Variants in RNF152 observed in about 807,000 individuals in gnomAD.
The protein encoded by RNF152 is E3 ubiquitin-protein ligase RNF152.
A neutral mutation model predicts 12.7 loss-of-function variants in RNF152; 11 were observed. The ratio of observed to expected loss-of-function variants is 0.86; its 90% CI spans 0.54 to 1.43. The LOEUF is 1.43. RNF152 is among the 40% of genes most tolerant of loss of function. The pLI is 0.00. For synonymous variants in RNF152, 113 were observed against 120.3 expected (o/e 0.94, Z 0.40); for missense variants, 255 against 274.8 (o/e 0.93, Z 0.51).
At chr18:61,887,800 T>C (rs1300226215) in intron 1 of RNF152, among the ~76,000 whole-genome samples, 2 of 151,408 alleles carry the variant, frequency 1.3e-5, no homozygotes, top group Admixed American at 6.6e-5. Flanking sequence ...CAGTGAGGAG[T>C]GCACCAAGTG....
At chr18:61,877,531 A>C (rs1912265414) in intron 1 of RNF152, among the ~76,000 whole-genome samples, 1 of 152,230 alleles carries the variant, frequency 6.6e-6, no homozygotes, top group South Asian at 2.1e-4. Flanking sequence ...TTGCAGACAC[A>C]TATACATACA....
intron 1 of RNF152, among the ~76,000 whole-genome samples, chr18:61,886,639 G>A (rs1024379418): frequency 3.3e-5 from 5 of 152,206 alleles, no homozygotes; most frequent in African/African-American, 1.2e-4. Context: ...GGTCCAGGGT[G>A]AATGATAACT....
chr18:61,827,207 G>A lies in RNF152; in HGVS notation c.-135-10609C>T, dbSNP rs140428147. Among the ~76,000 whole-genome samples the A allele has an allele frequency of 2.1e-3, 314 of 152,308 alleles. 1 individual carries two copies. The highest frequency in any genetic ancestry group is 3.4e-3 in the Non-Finnish European group (229 of 68,018). On this transcript the variant is annotated intron_variant, in intron 1 of 1. Transcript: ENST00000312828. ...CATAGCTATAGCAGGCCACAAAGTA[G>A]CTGAATAAATTTCGATTTGGCCAGG...
chr18:61,869,187 C>CTAATT (rs755862173), intron 1 of RNF152, among the ~76,000 whole-genome samples: 20 of 152,274 alleles, frequency 1.3e-4, no homozygotes, highest in Non-Finnish European at 2.8e-4. Context: ...CCACAAAACC[C>CTAATT]TAATTAGTAA....
intron 1 of RNF152, among the ~76,000 whole-genome samples, chr18:61,858,872 G>A (rs951243250): frequency 6.6e-6 from 1 of 152,178 alleles, no homozygotes; most frequent in African/African-American, 2.4e-5. Flanking sequence ...TAGGAGATGT[G>A]CTTAAGTTTG....
In RNF152 at chr18:61,811,794, C is replaced by A. The variant is rs752911141; in HGVS notation, c.*4058G>T. On this transcript the variant is annotated 3_prime_UTR_variant, in exon 2 of 2. Transcript: ENST00000312828. ...CCACAAGACCCTAGACACAATTTCA[C>A]AGTACAGATCATGCATAGCTTGCAA... is the stretch of plus-strand genomic sequence containing the variant. 5 of 152,148 alleles carry A rather than the reference C, an allele frequency of 3.3e-5. No homozygotes were observed. The highest frequency in any genetic ancestry group is 7.3e-5 in the Non-Finnish European group (5 of 68,032). The allele number at this position is 152,148 out of a possible 1,614,324, so 9.4% of individuals were successfully genotyped here.
chr18:61,815,989 C>T lies in RNF152; in HGVS notation c.475G>A (p.Gly159Ser), dbSNP rs754976855. Residue 159 changes from glycine (G) to serine (S), a missense_variant, in exon 2 of 2, where the codon GGC (glycine) becomes AGC (serine). By Grantham distance (56) the Gly-to-Ser change is moderately conservative. Transcript: ENST00000312828. ...GACCAGGTGGAGCTTTTCACCACGCCCCGCCTGTCCTGCTCCTCCTCCACC... is the reference window on the plus strand; with the variant it reads ...GACCAGGTGGAGCTTTTCACCACGCTCCGCCTGTCCTGCTCCTCCTCCACC... The part of the protein sequence containing the change: ...EAVEEEQDRR[G>S]VVKSSTWSGV... 5 of 1,614,202 alleles carry T rather than the reference C, an allele frequency of 3.1e-6. No homozygotes were observed. The South Asian group carries it at 3.3e-5, about 11-fold the overall frequency.
chr18:61,815,917 G>A lies in RNF152; in HGVS notation c.547C>T (p.Leu183Phe). 1 of 1,614,218 alleles carries A rather than the reference G, an allele frequency of 6.2e-7. No homozygotes were observed. The highest frequency in any genetic ancestry group is 1.1e-5 in the South Asian group (1 of 91,076). The change falls in exon 2 of 2, where the codon CTC becomes TTC. Residue 183 changes from leucine (L) to phenylalanine (F), a missense_variant. Leu to Phe is a conservative substitution (Grantham distance 22). Transcript: ENST00000312828. The part of the protein sequence containing the change: ...ILVACVLVFL[L>F]GIVLHNMSCI... ...GACATGTTGTGAAGCACGATGCCGAGGAGGAAGACCAAGACGCAAGCCACC... is the reference window on the plus strand; with the variant it reads ...GACATGTTGTGAAGCACGATGCCGAAGAGGAAGACCAAGACGCAAGCCACC...
At chr18:61,879,136 G>T (rs1912342945) in intron 1 of RNF152, among the ~76,000 whole-genome samples, 1 of 152,100 alleles carries the variant, frequency 6.6e-6, no homozygotes, top group South Asian at 2.1e-4. Flanking sequence ...AACCAACCAT[G>T]GATCAAAAAT....
intron 1 of RNF152, among the ~76,000 whole-genome samples, chr18:61,885,322 G>A (rs1231190256): frequency 6.6e-6 from 1 of 152,020 alleles, no homozygotes; most frequent in Non-Finnish European, 1.5e-5. Context: ...TTGTTTGTTT[G>A]TTTGAGACAG....
chr18:61,858,154 T>A (rs563890494), intron 1 of RNF152, among the ~76,000 whole-genome samples: 1 of 152,302 alleles, frequency 6.6e-6, no homozygotes, highest in African/African-American at 2.4e-5. Flanking sequence ...TTTAGGTAGT[T>A]TGGTATAACT....
intron 1 of RNF152, among the ~76,000 whole-genome samples, chr18:61,830,993 A>G (rs972144444): frequency 4.6e-5 from 7 of 152,242 alleles, no homozygotes; most frequent in Admixed American, 1.3e-4. Flanking sequence ...ATTTATATGA[A>G]GTTATATTTC....
intron 1 of RNF152, among the ~76,000 whole-genome samples, chr18:61,819,881 T>A (rs1205760033): frequency 6.6e-6 from 1 of 151,486 alleles, no homozygotes; most frequent in African/African-American, 2.4e-5. Flanking sequence ...ATTAGCTGGG[T>A]GTGGTGGTGG....
intron 1 of RNF152, among the ~76,000 whole-genome samples, chr18:61,851,436 G>T (rs954067803): frequency 6.6e-6 from 1 of 152,126 alleles, no homozygotes; most frequent in Non-Finnish European, 1.5e-5. Context: ...AGCTGCCCCA[G>T]CTTCAGGGGT....
At chr18:61,845,270 C>T (rs970043735) in intron 1 of RNF152, among the ~76,000 whole-genome samples, 1 of 152,236 alleles carries the variant, frequency 6.6e-6, no homozygotes, top group African/African-American at 2.4e-5. Context: ...TTCTTATTCA[C>T]TTGTGGAGGT....
At chr18:61,855,418 G>A (rs1368099874) in intron 1 of RNF152, among the ~76,000 whole-genome samples, 1 of 152,246 alleles carries the variant, frequency 6.6e-6, no homozygotes, top group East Asian at 1.9e-4. Flanking sequence ...AGCCAGGACT[G>A]TGCGTTCCAT....
intron 1 of RNF152, among the ~76,000 whole-genome samples, chr18:61,819,785 C>A (rs1389550979): frequency 1.3e-5 from 2 of 151,882 alleles, no homozygotes; most frequent in Non-Finnish European, 2.9e-5. Flanking sequence ...CTTTGGGAGG[C>A]CAAGGCAGGT....
chr18:61,878,259 C>T (rs1360285861), intron 1 of RNF152, among the ~76,000 whole-genome samples: 1 of 152,198 alleles, frequency 6.6e-6, no homozygotes, highest in Non-Finnish European at 1.5e-5. Context: ...ACTGGGACAA[C>T]TGATACCTAG....
chr18:61,835,562 T>C (rs991133854), intron 1 of RNF152, among the ~76,000 whole-genome samples: 1 of 152,206 alleles, frequency 6.6e-6, no homozygotes, highest in African/African-American at 2.4e-5. Context: ...CTTTTTTGAA[T>C]TTTTGACTTT....
Sources: allele counts gnomAD v4.1 joint callset (sites outside exome capture counted in the v4.1 genomes callset), GRCh38; gene constraint gnomAD v4.1.1; transcripts MANE v1.5; gene names NCBI Gene and HGNC (gene_info 2026-07-23, HGNC 2026-07-21).